Variants in OSBPL10 observed in about 807,000 individuals in gnomAD.
OSBPL10 encodes the protein oxysterol binding protein like 10.
A neutral mutation model predicts 81.7 loss-of-function variants in OSBPL10; 49 were observed. That is an observed-to-expected ratio of 0.60 (90% CI 0.48 to 0.76). OSBPL10 has a LOEUF of 0.76. Among genes scored for constraint, OSBPL10 ranks in the 30% least tolerant of loss-of-function variants. The pLI, the probability that OSBPL10 is intolerant of heterozygous loss-of-function variation, is 0.00. For synonymous variants in OSBPL10, 419 were observed against 383.6 expected (o/e 1.09, Z -1.08); for missense variants, 923 against 987.8 (o/e 0.93, Z 0.88).
chr3:31,923,270 A>C (rs1306576978), intron 1 of OSBPL10, among the ~76,000 whole-genome samples: 1 of 152,180 alleles, frequency 6.6e-6, no homozygotes, highest in Non-Finnish European at 1.5e-5. Context: ...GTCCCTGGTT[A>C]ACATATGGCT....
At chr3:31,813,787 C>G (rs1029053350) in intron 4 of OSBPL10, among the ~76,000 whole-genome samples, 1 of 152,208 alleles carries the variant, frequency 6.6e-6, no homozygotes, top group African/African-American at 2.4e-5. Flanking sequence ...TTGGCCCTCT[C>G]TAAGCCCGGG....
At chr3:31,835,096 G>A (rs920752369) in intron 3 of OSBPL10, among the ~76,000 whole-genome samples, 1 of 152,074 alleles carries the variant, frequency 6.6e-6, no homozygotes, top group African/African-American at 2.4e-5. Flanking sequence ...TGAACTATAT[G>A]GCCATTTTGG....
chr3:31,992,652 G>T (rs1409409337), intron 2 of OSBPL10, among the ~76,000 whole-genome samples: 1 of 152,120 alleles, frequency 6.6e-6, no homozygotes, highest in Non-Finnish European at 1.5e-5. Context: ...AGCACACCTG[G>T]ATGATCTTTT....
chr3:31,719,730 TATATAAG>T (rs747732229), intron 6 of OSBPL10, among the ~76,000 whole-genome samples: 8 of 152,132 alleles, frequency 5.3e-5, no homozygotes, highest in Non-Finnish European at 8.8e-5. Flanking sequence ...AAAGTTTCCC[TATATAAG>T]ATATATTTCT....
intron 3 of OSBPL10, among the ~76,000 whole-genome samples, chr3:31,862,962 T>A (rs1046394922): frequency 6.6e-6 from 1 of 152,110 alleles, no homozygotes; most frequent in Admixed American, 6.5e-5. Flanking sequence ...AAAACTGGCA[T>A]ACAAATGTTC....
At chr3:31,972,305 C>T (rs558965609) in intron 1 of OSBPL10, among the ~76,000 whole-genome samples, 2 of 152,360 alleles carry the variant, frequency 1.3e-5, no homozygotes, top group African/African-American at 2.4e-5. Flanking sequence ...AGAAGAATCG[C>T]TTGAACCCAG....
chr3:31,762,528 A>G (rs1034654170), intron 4 of OSBPL10, among the ~76,000 whole-genome samples: 1 of 151,716 alleles, frequency 6.6e-6, no homozygotes, highest in Admixed American at 6.6e-5. Flanking sequence ...GCTGGAGTAC[A>G]GTGGCATGAT....
At chr3:31,754,209 C>T (rs1055203688) in intron 4 of OSBPL10, among the ~76,000 whole-genome samples, 1 of 151,990 alleles carries the variant, frequency 6.6e-6, no homozygotes, top group Non-Finnish European at 1.5e-5. Context: ...CCTGGGGACA[C>T]TGCTCCTCAT....
chr3:31,679,187 A>AG (rs1425501588), intron 8 of OSBPL10, among the ~76,000 whole-genome samples: 1 of 152,112 alleles, frequency 6.6e-6, no homozygotes, highest in East Asian at 1.9e-4. Flanking sequence ...CCCCTTCTTA[A>AG]ACCTGCTTCA....
intron 4 of OSBPL10, among the ~76,000 whole-genome samples, chr3:31,797,055 C>A (rs887665238): frequency 7.5e-6 from 1 of 133,222 alleles, no homozygotes; most frequent in Non-Finnish European, 1.5e-5. Context: ...AGTGCAATGG[C>A]GCCATCTTGG....
At chr3:31,809,991 T>C (rs1489825907) in intron 4 of OSBPL10, among the ~76,000 whole-genome samples, 1 of 151,152 alleles carries the variant, frequency 6.6e-6, no homozygotes, top group Non-Finnish European at 1.5e-5. Flanking sequence ...CCTGCCTCAG[T>C]CTCCCGAGTA....
Position 32,071,599 on chromosome 3 carries a change from C to T in OSBPL10, n.185+5797G>A, listed in dbSNP as rs537732573. Reference sequence around the variant, plus strand: ...TTAGGCTGGCCATCATGTCTCCATGCGGCGGCTGCCACCACCCTAATACTT... The same window carrying T: ...TTAGGCTGGCCATCATGTCTCCATGTGGCGGCTGCCACCACCCTAATACTT... On this transcript the variant is annotated intron_variant and non_coding_transcript_variant, in intron 1 of 3. Coordinates refer to the OSBPL10 transcript ENST00000479173. Among the ~76,000 whole-genome samples the T allele has an allele frequency of 4.7e-4, 72 of 152,302 alleles. No individual in the cohort carries two copies. The South Asian group carries it at 8.7e-3, about 18-fold the overall frequency.
intron 4 of OSBPL10, among the ~76,000 whole-genome samples, chr3:31,829,328 A>G (rs1700176142): frequency 1.3e-5 from 2 of 152,238 alleles, no homozygotes; most frequent in African/African-American, 4.8e-5. Context: ...TGACAGGGAT[A>G]CTAAGGATCT....
intron 1 of OSBPL10, among the ~76,000 whole-genome samples, chr3:31,896,534 G>C (rs1696062690): frequency 2.0e-5 from 3 of 152,218 alleles, no homozygotes; most frequent in South Asian, 4.1e-4. Context: ...GAAGAGCAGA[G>C]AGCCGTGCAG....
chr3:32,001,399 G>T (rs1699145793), intron 2 of OSBPL10, among the ~76,000 whole-genome samples: 3 of 152,118 alleles, frequency 2.0e-5, no homozygotes, highest in South Asian at 4.2e-4. Context: ...TTACTTGAGG[G>T]TCTCTGGTAC....
chr3:32,043,646 C>T (rs113135013), intron 2 of OSBPL10, among the ~76,000 whole-genome samples: 28 of 152,344 alleles, frequency 1.8e-4, no homozygotes, highest in African/African-American at 6.7e-4. Context: ...AACACTATCA[C>T]TCCTTTCTCC....
At chr3:31,964,402 C>T (rs1249665956) in intron 1 of OSBPL10, among the ~76,000 whole-genome samples, 2 of 152,068 alleles carry the variant, frequency 1.3e-5, no homozygotes, top group African/African-American at 2.4e-5. Context: ...AGTGATCTGC[C>T]CGCCTCGGCC....
chr3:31,861,282 G>C (rs1262848035), intron 3 of OSBPL10, among the ~76,000 whole-genome samples: 1 of 152,060 alleles, frequency 6.6e-6, no homozygotes, highest in East Asian at 1.9e-4. Context: ...AAAATTCACA[G>C]ATGCCCAAGT....
chr3:32,004,906 A>AT lies in OSBPL10; in HGVS notation n.298+41584dup, dbSNP rs965463166. On this transcript the variant is annotated intron_variant and non_coding_transcript_variant, in intron 2 of 3. Transcript: ENST00000479173. Reference sequence around the variant, plus strand: ...GTGCTTATTGTCATCAGCCTGTTTTATTTTTTGCAATTCAATTCCCACTTA... The same window carrying AT: ...GTGCTTATTGTCATCAGCCTGTTTTATTTTTTTGCAATTCAATTCCCACTTA... Among the ~76,000 whole-genome samples, 3 of 152,204 alleles carry AT rather than the reference A, an allele frequency of 2.0e-5. No individual in the cohort carries two copies. The South Asian group carries it at 6.2e-4, about 32-fold the overall frequency.
Sources: allele counts gnomAD v4.1 joint callset (sites outside exome capture counted in the v4.1 genomes callset), GRCh38; gene constraint gnomAD v4.1.1; transcripts MANE v1.5; gene names NCBI Gene and HGNC (gene_info 2026-07-23, HGNC 2026-07-21).